Variants in FAM107B observed in about 807,000 individuals in gnomAD.
The protein encoded by FAM107B is family with sequence similarity 107 member B.
Under a neutral mutation model 31.5 loss-of-function variants are expected in FAM107B, and 21 were observed. The observed-to-expected ratio is 0.67, with a 90% CI of 0.47 to 0.96. The LOEUF is 0.96. Among genes scored for constraint, FAM107B ranks in the 40% least tolerant of loss-of-function variants. The probability of loss-of-function intolerance (pLI) is 0.00; values close to 1 mark genes in which losing one functional copy is unlikely to be tolerated. For synonymous variants in FAM107B, 157 were observed against 141.5 expected, an observed-to-expected ratio of 1.11 and a Z score of -0.78; for missense variants, 452 against 377.1, an observed-to-expected ratio of 1.20 and a Z score of -1.64.
At chr10:14,720,151 C>A (rs960567022) in intron 1 of FAM107B, among the ~76,000 whole-genome samples, 2 of 152,224 alleles carry the variant, frequency 1.3e-5, no homozygotes, top group African/African-American at 4.8e-5. Context: ...TGATTCCTGC[C>A]ACCCATTTCA....
chr10:14,768,543 G>C (rs1197432403), intron 1 of FAM107B, among the ~76,000 whole-genome samples: 1 of 152,212 alleles, frequency 6.6e-6, no homozygotes, highest in African/African-American at 2.4e-5. Flanking sequence ...ATGGGGAAAA[G>C]ACAGTGTTGT....
intron 2 of FAM107B, among the ~76,000 whole-genome samples, chr10:14,635,244 G>C (rs907240019): frequency 6.6e-6 from 1 of 152,106 alleles, no homozygotes; most frequent in East Asian, 1.9e-4. Flanking sequence ...AGCGGAAGAG[G>C]AGAAATATGC....
At chr10:14,740,637 A>G (rs547749940) in intron 1 of FAM107B, among the ~76,000 whole-genome samples, 3 of 152,336 alleles carry the variant, frequency 2.0e-5, no homozygotes, top group Middle Eastern at 3.4e-3. Context: ...TGTTTCCTCA[A>G]TTGTAATCAA....
chr10:14,536,123 T>C (rs2130909388), intron 2 of FAM107B, among the ~76,000 whole-genome samples: 1 of 152,356 alleles, frequency 6.6e-6, no homozygotes, highest in South Asian at 2.1e-4. Context: ...ATCAAAGAGA[T>C]GAATTCAAAA....
Position 14,772,003 on chromosome 10 carries a change from G to C in FAM107B, c.411+2250C>G, listed in dbSNP as rs537184751. ...TGCCACATCCTCTCTTTGTGGCCTT[G>C]GGCAAATGTCTTACCCTCTTTAAGC... is the stretch of plus-strand genomic sequence containing the variant. On this transcript the variant is annotated intron_variant, in intron 1 of 4. Coordinates refer to ENST00000181796, the MANE Select transcript of FAM107B (RefSeq NM_031453.4). 2.0e-5 allele frequency among the ~76,000 whole-genome samples: 3 copies of C among 152,258 alleles called. No homozygotes were observed. The South Asian group carries it at 6.2e-4, about 32-fold the overall frequency.
chr10:14,702,520 T>C (rs1197524371), intron 1 of FAM107B, among the ~76,000 whole-genome samples: 1 of 152,194 alleles, frequency 6.6e-6, no homozygotes, highest in South Asian at 2.1e-4. Context: ...ATACTTTTTT[T>C]GTATTTTTTA....
intron 1 of FAM107B, among the ~76,000 whole-genome samples, chr10:14,697,413 C>T (rs1226684412): frequency 2.6e-5 from 4 of 152,164 alleles, no homozygotes; most frequent in African/African-American, 9.7e-5. Flanking sequence ...TAATGCAGGG[C>T]TCTGCATTTA....
At chr10:14,695,877 G>A (rs1003943028) in intron 1 of FAM107B, among the ~76,000 whole-genome samples, 1 of 152,160 alleles carries the variant, frequency 6.6e-6, no homozygotes. Context: ...GTTTGTTTGT[G>A]TGTGGAATCT....
intron 2 of FAM107B, among the ~76,000 whole-genome samples, chr10:14,656,232 G>A (rs982261209): frequency 1.3e-5 from 2 of 152,162 alleles, no homozygotes; most frequent in Non-Finnish European, 2.9e-5. Context: ...AAGGTAAGGT[G>A]GCTCCTACAC....
chr10:14,656,095 G>A (rs933088789), intron 2 of FAM107B, among the ~76,000 whole-genome samples: 4 of 152,094 alleles, frequency 2.6e-5, no homozygotes, highest in African/African-American at 9.7e-5. Context: ...TCCATAAAGC[G>A]CTGTGCAGGA....
In FAM107B at chr10:14,762,204, G is replaced by A. The variant is rs77998532; in HGVS notation, c.411+12049C>T. On this transcript the variant is annotated intron_variant, in intron 1 of 4. Coordinates refer to ENST00000181796, the MANE Select transcript of FAM107B (RefSeq NM_031453.4). ...CTCACAGGATGGTGACAGCACCATTGGGCATCCCCTCCTCACCCAACAATG... is the reference window on the plus strand; with the variant it reads ...CTCACAGGATGGTGACAGCACCATTAGGCATCCCCTCCTCACCCAACAATG... Among the ~76,000 whole-genome samples, 1,313 of 152,080 alleles carry A rather than the reference G, an allele frequency of 8.6e-3. 80 individuals are homozygous for A. In the East Asian group the frequency reaches 0.16, roughly 19 times the overall value.
At chr10:14,721,226 T>G (rs957118765) in intron 1 of FAM107B, among the ~76,000 whole-genome samples, 4 of 152,248 alleles carry the variant, frequency 2.6e-5, no homozygotes, top group Admixed American at 1.3e-4. Flanking sequence ...TGCCACATTT[T>G]TTTTAATCCA....
intron 1 of FAM107B, among the ~76,000 whole-genome samples, chr10:14,718,327 C>G (rs764107673): frequency 7.0e-6 from 1 of 143,026 alleles, no homozygotes; most frequent in Non-Finnish European, 1.5e-5. Context: ...AGCAACAGAG[C>G]GAGACTCAAG....
chr10:14,630,944 T>C (rs1026711489), intron 2 of FAM107B, among the ~76,000 whole-genome samples: 1 of 152,170 alleles, frequency 6.6e-6, no homozygotes, highest in Non-Finnish European at 1.5e-5. Flanking sequence ...ATTCTATGAA[T>C]ATATAGGAAT....
intron 2 of FAM107B, among the ~76,000 whole-genome samples, chr10:14,565,880 C>A (rs926713178): frequency 4.6e-5 from 7 of 152,128 alleles, no homozygotes; most frequent in Non-Finnish European, 1.0e-4. Flanking sequence ...AGGATGCGCT[C>A]CACAGTGGTA....
Position 14,521,207 on chromosome 10 carries a change from G to C in FAM107B, c.904C>G (p.Gln302Glu). 1.2e-6 allele frequency: 2 copies of C among 1,614,126 alleles called. No homozygotes were observed. The highest frequency in any genetic ancestry group is 2.2e-5 in the East Asian group (1 of 44,882). Residue 302 changes from glutamine to glutamate, a missense_variant, in exon 5 of 5, where the codon CAA (glutamine) becomes GAA (glutamate). By Grantham distance (29) the Gln-to-Glu change is conservative (BLOSUM62 2). Coordinates refer to ENST00000181796, the MANE Select transcript of FAM107B (RefSeq NM_031453.4). ...GCCTCAGCCTAGGACTCCTGGGCTT[G>C]GGCGACTTCTTGGCCTGTTCTCCTG... ...NLRRTGQEVA[Q>E]AQES
At chr10:14,600,592 G>A (rs1331902545) in intron 2 of FAM107B, among the ~76,000 whole-genome samples, 3 of 151,724 alleles carry the variant, frequency 2.0e-5, no homozygotes, top group African/African-American at 7.3e-5. Context: ...GCTCTTAACT[G>A]TAATTAAACA....
At chr10:14,635,322 G>A (rs1292344862) in intron 2 of FAM107B, among the ~76,000 whole-genome samples, 1 of 152,148 alleles carries the variant, frequency 6.6e-6, no homozygotes, top group Non-Finnish European at 1.5e-5. Context: ...CCAAATGCTT[G>A]GCTGATGCCT....
intron 4 of FAM107B, 141 bp downstream of exon 4, chr10:14,521,728 T>C (rs774379687): frequency 2.5e-5 from 32 of 1,261,058 alleles, no homozygotes; most frequent in Non-Finnish European, 2.8e-5. Flanking sequence ...TTTGACCCCA[T>C]TTGCTGACAT....
Sources: gnomAD v4.1 joint callset for allele counts (sites outside exome capture counted in the v4.1 genomes callset) on GRCh38, gnomAD v4.1.1 for gene constraint, MANE v1.5 for transcripts, NCBI Gene and HGNC (gene_info 2026-07-23, HGNC 2026-07-21) for gene names.